Variants in ZC2HC1B observed in about 807,000 individuals in gnomAD.
ZC2HC1B encodes the protein zinc finger C2HC domain-containing protein 1B.
Under a neutral mutation model 31.0 loss-of-function variants are expected in ZC2HC1B, and 36 were observed. The ratio of observed to expected loss-of-function variants is 1.16; its 90% CI spans 0.89 to 1.54. The LOEUF is 1.54. Among genes scored for constraint, ZC2HC1B ranks in the 40% most tolerant of loss-of-function variants. The probability of loss-of-function intolerance (pLI) is 0.00; values close to 1 mark genes in which losing one functional copy is unlikely to be tolerated. For synonymous variants in ZC2HC1B, 73 were observed against 88.0 expected, an observed-to-expected ratio of 0.83 and a Z score of 0.95; for missense variants, 260 against 268.6, an observed-to-expected ratio of 0.97 and a Z score of 0.22.
intron 6 of ZC2HC1B, among the ~76,000 whole-genome samples, chr6:143,927,013 TG>T (rs1778061229): frequency 6.8e-6 from 1 of 146,396 alleles, no homozygotes; most frequent in Non-Finnish European, 1.5e-5. Context: ...TTAGCCAGGA[TG>T]GTCTCGATCT....
At chr6:143,912,593 A>C (rs992250795) in intron 6 of ZC2HC1B, among the ~76,000 whole-genome samples, 2 of 152,162 alleles carry the variant, frequency 1.3e-5, no homozygotes, top group Non-Finnish European at 2.9e-5. Context: ...GAAGGCTGTG[A>C]AATAGCAAAG....
At chr6:143,902,342 A>G (rs917184956) in intron 5 of ZC2HC1B, among the ~76,000 whole-genome samples, 2 of 152,244 alleles carry the variant, frequency 1.3e-5, no homozygotes, top group African/African-American at 4.8e-5. Flanking sequence ...CTTAACCAAA[A>G]GAGACCAATA....
Position 143,898,699 on chromosome 6 carries a change from T to C in ZC2HC1B, c.489+8T>C, listed in dbSNP as rs973166256. 1 of 1,552,026 alleles carries C rather than the reference T, an allele frequency of 6.4e-7. No individual in the cohort carries two copies. Among genetic ancestry groups the C allele is most frequent in the Admixed American group, 2.0e-5 (1 of 51,000 alleles). On this transcript the variant is annotated splice_region_variant and intron_variant, in intron 5 of 7. Transcript: ENST00000237275. Reference sequence around the variant, plus strand: ...TTGGCATCCAGAGCTCAGGTAACTATCTCTCCCCAGGTGTTGGCTCTTGTG... The same window carrying C: ...TTGGCATCCAGAGCTCAGGTAACTACCTCTCCCCAGGTGTTGGCTCTTGTG...
chr6:143,864,965 T>G (rs1264016238), intron 1 of ZC2HC1B, among the ~76,000 whole-genome samples: 1 of 152,244 alleles, frequency 6.6e-6, no homozygotes, highest in East Asian at 1.9e-4. Context: ...ATTGGATGTT[T>G]CTTTGTCATG....
rs1175779949 is a variant in ZC2HC1B, at chr6:143,903,024, C to A, written c.490-20C>A. Reference sequence around the variant, plus strand: ...CATACAGAAGGTGTTCTCTTTGTCTCTTTCTTTCTCTCTCTGTAGGGTAGG... The same window carrying A: ...CATACAGAAGGTGTTCTCTTTGTCTATTTCTTTCTCTCTCTGTAGGGTAGG... On this transcript the variant is annotated intron_variant, in intron 5 of 7. Coordinates refer to ENST00000237275, the MANE Select transcript of ZC2HC1B (RefSeq NM_001013623.3). This position sits in a 1 kb window ranked among gnomAD's most constrained non-coding sequence, Gnocchi z 4.3. 6.4e-7 allele frequency: 1 copy of A among 1,550,906 alleles called. No individual in the cohort carries two copies. The highest frequency in any genetic ancestry group is 2.0e-5 in the Admixed American group (1 of 50,980).
In ZC2HC1B at chr6:143,886,243, A is replaced by G; in HGVS notation, c.210+92A>G. On this transcript the variant is annotated intron_variant, in intron 3 of 7. Transcript: ENST00000237275. The surrounding 1 kb of genome is among the most constrained non-coding windows in gnomAD (Gnocchi z 4.2). ...ATTTCTGGTTTCATTTTTGCTTGAT[A>G]ATACAGTAATGTAATGTAACTGTAA... The G allele has an allele frequency of 2.3e-6, 3 of 1,317,414 alleles. No individual in the cohort carries two copies. The highest frequency in any genetic ancestry group is 2.9e-6 in the Non-Finnish European group (3 of 1,020,060). 81.6% of individuals were successfully genotyped at this position (1,317,414 alleles called of 1,614,324 possible). A position where few individuals can be genotyped will look rare whatever the true frequency, so the allele number is the denominator to read the frequency against.
At chr6:143,937,445 G>C (rs2273179) in intron 6 of ZC2HC1B, among the ~76,000 whole-genome samples, 74,645 of 151,710 alleles carry the variant, frequency 0.49, 19,142 homozygotes, top group African/African-American at 0.64. Flanking sequence ...GAAGGCACCT[G>C]AGGTAGCCCC....
chr6:143,910,954 T>C (rs967312926), intron 6 of ZC2HC1B, among the ~76,000 whole-genome samples: 2 of 152,156 alleles, frequency 1.3e-5, no homozygotes, highest in African/African-American at 4.8e-5. Context: ...GGTTTAACCA[T>C]GTTGGCCAGG....
chr6:143,891,693 CAAAAA>C (rs61241733), intron 4 of ZC2HC1B, among the ~76,000 whole-genome samples: 1 of 66,906 alleles, frequency 1.5e-5, no homozygotes, highest in Non-Finnish European at 3.2e-5. Flanking sequence ...AACTCTGTCT[CAAAAA>C]AAAAAAAAAA....
At chr6:143,932,742 A>G (rs1048577545) in intron 6 of ZC2HC1B, among the ~76,000 whole-genome samples, 3 of 152,062 alleles carry the variant, frequency 2.0e-5, no homozygotes, top group African/African-American at 4.8e-5. Flanking sequence ...TTGTTTTGTC[A>G]TATTGCCAGA....
chr6:143,886,680 C>T lies in ZC2HC1B; in HGVS notation c.211-3C>T. ...TATTATTTGTTGGTTTTATTTTTTA[C>T]AGTCTCCACCTGTGAGGAAGTCTAA... On this transcript the variant is annotated splice_polypyrimidine_tract_variant and splice_region_variant and intron_variant, in intron 3 of 7. Transcript: ENST00000237275. This position sits in a 1 kb window ranked among gnomAD's most constrained non-coding sequence, Gnocchi z 4.2. 1.3e-6 allele frequency: 2 copies of T among 1,521,898 alleles called. No individual in the cohort carries two copies. Among genetic ancestry groups the T allele is most frequent in the Non-Finnish European group, 1.8e-6 (2 of 1,135,608 alleles). The allele number at this position is 1,521,898 out of a possible 1,614,324, so 94.3% of individuals were successfully genotyped here. A position where few individuals can be genotyped will look rare whatever the true frequency, so the allele number is the denominator to read the frequency against.
Position 143,917,001 on chromosome 6 carries a change from C to CA in ZC2HC1B, c.598+13853dup, listed in dbSNP as rs1347464330. Among the ~76,000 whole-genome samples, 1 of 152,104 alleles carries CA rather than the reference C, an allele frequency of 6.6e-6. No individual in the cohort carries two copies. Among genetic ancestry groups the CA allele is most frequent in the African/African-American group, 2.4e-5 (1 of 41,424 alleles). On this transcript the variant is annotated intron_variant, in intron 6 of 7. Coordinates refer to ENST00000237275, the MANE Select transcript of ZC2HC1B (RefSeq NM_001013623.3). This position sits in a 1 kb window ranked among gnomAD's most constrained non-coding sequence, Gnocchi z 4.1. ...CATGAGATTTGGGAGGGGCCAGGGA[C>CA]AAAATGATATAGTTTGGCTCTGTCC...
intron 6 of ZC2HC1B, among the ~76,000 whole-genome samples, chr6:143,906,116 T>C (rs1777791802): frequency 6.6e-6 from 1 of 152,336 alleles, no homozygotes; most frequent in African/African-American, 2.4e-5. Flanking sequence ...GTGTTAGTTT[T>C]TCTTTAAATG....
intron 4 of ZC2HC1B, among the ~76,000 whole-genome samples, chr6:143,896,513 T>C (rs531149014): frequency 6.6e-6 from 1 of 152,352 alleles, no homozygotes; most frequent in South Asian, 2.1e-4. Flanking sequence ...CTTTCTATTG[T>C]ACTTTTTTCC....
At chr6:143,867,580 C>T (rs79421796) in intron 1 of ZC2HC1B, among the ~76,000 whole-genome samples, 3,856 of 152,308 alleles carry the variant, frequency 0.025, 98 homozygotes, top group Admixed American at 0.068. Context: ...AAGATCAATG[C>T]AGAACCTTCC....
intron 1 of ZC2HC1B, chr6:143,881,551 A>C (rs1270209458): frequency 7.2e-5 from 7 of 96,942 alleles, no homozygotes; most frequent in Non-Finnish European, 1.2e-4. Context: ...ACCCTGTCTC[A>C]AAAAAAAAAA....
Position 143,880,710 on chromosome 6 carries a change from A to C in ZC2HC1B, c.29-3594A>C, listed in dbSNP as rs138611577. On this transcript the variant is annotated intron_variant, in intron 1 of 7. Coordinates refer to ENST00000237275, the MANE Select transcript of ZC2HC1B (RefSeq NM_001013623.3). ...AAGCAGCAATAAATGCTATGTATACAAATGAGCATGGCTGTGTTCCTATAA... is the reference window on the plus strand; with the variant it reads ...AAGCAGCAATAAATGCTATGTATACCAATGAGCATGGCTGTGTTCCTATAA... Among the ~76,000 whole-genome samples, 436 of 152,296 alleles carry C rather than the reference A, an allele frequency of 2.9e-3. 4 individuals are homozygous for C. The highest frequency in any genetic ancestry group is 0.01 in the African/African-American group (427 of 41,572).
At chr6:143,898,431 G>A in intron 4 of ZC2HC1B, 121 bp from the exon 5 acceptor site, 1 of 1,263,036 alleles carries the variant, frequency 7.9e-7, no homozygotes, top group Non-Finnish European at 1.1e-6. Flanking sequence ...AGAGTGCTGG[G>A]ATTACTGGCA....
chr6:143,869,800 T>A lies in ZC2HC1B; in HGVS notation c.28+5233T>A, dbSNP rs973941496. Among the ~76,000 whole-genome samples the A allele has an allele frequency of 2.6e-5, 4 of 152,176 alleles. No individual in the cohort carries two copies. Among genetic ancestry groups the A allele is most frequent in the Non-Finnish European group, 4.4e-5 (3 of 68,030 alleles). On this transcript the variant is annotated intron_variant, in intron 1 of 7. Transcript: ENST00000237275. This position sits in a 1 kb window ranked among gnomAD's most constrained non-coding sequence, Gnocchi z 5.2. Reference sequence around the variant, plus strand: ...GTGGCTGTAGTCAGGTCAGCTTTGGTGAGTGGAAGTCCATGTTGCTGAGTC... The same window carrying A: ...GTGGCTGTAGTCAGGTCAGCTTTGGAGAGTGGAAGTCCATGTTGCTGAGTC...
Sources: gnomAD v4.1 joint callset for allele counts (sites outside exome capture counted in the v4.1 genomes callset) on GRCh38, gnomAD v4.1.1 for gene constraint, Gnocchi (gnomAD v3.1) non-coding constraint, MANE v1.5 for transcripts, NCBI Gene and HGNC (gene_info 2026-07-23, HGNC 2026-07-21) for gene names.